PTPRT: variants seen among roughly 807,000 people sequenced by gnomAD.
PTPRT encodes the protein receptor-type tyrosine-protein phosphatase T.
PTPRT carries 56 observed loss-of-function variants against 176.8 expected under a neutral mutation model. That is an observed-to-expected ratio of 0.32 (90% confidence interval 0.26 to 0.40). PTPRT has a LOEUF of 0.40. PTPRT is among the 10% of genes least tolerant of loss of function. The pLI is 1.00. For missense variants in PTPRT, 1,540 were observed against 1,908.2 expected, an observed-to-expected ratio of 0.81 and a Z score of 3.60; for synonymous variants, 783 against 739.0, an observed-to-expected ratio of 1.06 and a Z score of -0.96.
chr20:42,485,881 C>T (rs1158576562), intron 7 of PTPRT, among the ~76,000 whole-genome samples: 1 of 152,226 alleles, frequency 6.6e-6, no homozygotes, highest in African/African-American at 2.4e-5. Context: ...ATGAAAACCA[C>T]TGTCAGTTGA....
At chr20:42,114,369 T>C (rs1987164915) in intron 22 of PTPRT, among the ~76,000 whole-genome samples, 2 of 152,234 alleles carry the variant, frequency 1.3e-5, no homozygotes, top group Admixed American at 1.3e-4. Context: ...TTTAGAAAAG[T>C]ACCTGGTCCA....
rs6072847 is a variant in PTPRT, at chr20:42,734,111, A to G, written c.859+22351T>C. ...GAGCCAGCTTGTAGCTGTCATGCAT[A>G]TGGCCACTAGGGACCAGGAGAATTT... On this transcript the variant is annotated intron_variant, in intron 6 of 30. Coordinates refer to ENST00000373187, the MANE Select transcript of PTPRT (RefSeq NM_007050.6). Among the ~76,000 whole-genome samples, 924 of 152,280 alleles carry G rather than the reference A, an allele frequency of 6.1e-3. 3 individuals are homozygous for G. The highest frequency in any genetic ancestry group is 0.014 in the Middle Eastern group (4 of 294).
At chr20:42,743,771 T>C (rs2076648373) in intron 6 of PTPRT, among the ~76,000 whole-genome samples, 1 of 152,222 alleles carries the variant, frequency 6.6e-6, no homozygotes, top group African/African-American at 2.4e-5. Flanking sequence ...CTGAACCTCA[T>C]CGATTACATT....
chr20:43,150,694 C>A (rs1302514326), intron 1 of PTPRT, among the ~76,000 whole-genome samples: 1 of 151,978 alleles, frequency 6.6e-6, no homozygotes, highest in Non-Finnish European at 1.5e-5. Context: ...TGGCCTCAAG[C>A]AATCTGCCCT....
chr20:43,186,785 C>T (rs1415889988), intron 1 of PTPRT, among the ~76,000 whole-genome samples: 3 of 152,208 alleles, frequency 2.0e-5, no homozygotes, highest in Non-Finnish European at 4.4e-5. Context: ...TAAAATTCGA[C>T]TGTACTGCTA....
In PTPRT at chr20:42,287,863, T is replaced by C. The variant is rs1461205799; in HGVS notation, c.2140-5338A>G. On this transcript the variant is annotated intron_variant, in intron 12 of 30. Transcript: ENST00000373187. ...TTACAATTAGTATACGTTAAAAACATAAAAAGAAAAAATTCCAAAAGGAAA... is the reference window on the plus strand; with the variant it reads ...TTACAATTAGTATACGTTAAAAACACAAAAAGAAAAAATTCCAAAAGGAAA... 2.0e-5 allele frequency among the ~76,000 whole-genome samples: 3 copies of C among 151,672 alleles called. No homozygotes were observed. In the East Asian group the frequency reaches 5.8e-4, roughly 29 times the overall value.
chr20:42,260,108 T>A (rs1412225307), intron 13 of PTPRT, among the ~76,000 whole-genome samples: 1 of 152,244 alleles, frequency 6.6e-6, no homozygotes, highest in Admixed American at 6.5e-5. Context: ...AGTTGAGTGA[T>A]GGGCACCAAC....
intron 1 of PTPRT, among the ~76,000 whole-genome samples, chr20:42,998,847 C>T (rs1459248411): frequency 6.6e-6 from 1 of 152,178 alleles, no homozygotes; most frequent in African/African-American, 2.4e-5. Flanking sequence ...ATGAGAGGAA[C>T]TTAGACTCAA....
intron 9 of PTPRT, among the ~76,000 whole-genome samples, chr20:42,375,398 T>G (rs1283540837): frequency 1.3e-5 from 2 of 152,174 alleles, no homozygotes; most frequent in African/African-American, 2.4e-5. Flanking sequence ...GTGAGGCCTC[T>G]GGGGAAGTGA....
At chr20:42,248,526 C>G (rs1367336145) in intron 14 of PTPRT, among the ~76,000 whole-genome samples, 161 bp downstream of exon 14, 1 of 152,178 alleles carries the variant, frequency 6.6e-6, no homozygotes, top group Non-Finnish European at 1.5e-5. Flanking sequence ...CTTCAAACAG[C>G]AACACAATGA....
At chr20:42,115,104 A>G in intron 22 of PTPRT, 95 bp downstream of exon 22, 1 of 881,242 alleles carries the variant, frequency 1.1e-6, no homozygotes, top group South Asian at 1.4e-5. Context: ...ATGGGGCTGG[A>G]CGTAGAGCAG....
chr20:43,174,308 T>C (rs972608490), intron 1 of PTPRT, among the ~76,000 whole-genome samples: 3 of 152,198 alleles, frequency 2.0e-5, no homozygotes, highest in Admixed American at 2.0e-4. Context: ...GTTTTGATGA[T>C]CATTATACCT....
intron 7 of PTPRT, among the ~76,000 whole-genome samples, chr20:42,529,707 G>A (rs1468367012): frequency 4.0e-5 from 6 of 151,810 alleles, no homozygotes; most frequent in Non-Finnish European, 2.9e-5. Flanking sequence ...GGCTGGTCTC[G>A]AACTTCTGAC....
At chr20:43,045,716 GC>G (rs1329009999) in intron 1 of PTPRT, among the ~76,000 whole-genome samples, 9 of 150,540 alleles carry the variant, frequency 6.0e-5, no homozygotes, top group African/African-American at 2.2e-4. Context: ...TCCTGCCTCA[GC>G]CCCCCAATGT....
At chr20:42,858,643 G>A (rs1321670723) in intron 2 of PTPRT, among the ~76,000 whole-genome samples, 2 of 152,166 alleles carry the variant, frequency 1.3e-5, no homozygotes, top group Non-Finnish European at 2.9e-5. Context: ...CACGAGATAT[G>A]GAATCTTCTA....
chr20:42,305,028 T>C (rs1294579658), intron 12 of PTPRT, among the ~76,000 whole-genome samples: 1 of 152,188 alleles, frequency 6.6e-6, no homozygotes, highest in African/African-American at 2.4e-5. Context: ...TACTCTTTAT[T>C]CCACTATAAG....
intron 6 of PTPRT, among the ~76,000 whole-genome samples, chr20:42,730,313 A>G (rs6030445): frequency 0.36 from 54,898 of 151,990 alleles, 12,288 homozygotes; most frequent in African/African-American, 0.63. Context: ...TCATGGCATG[A>G]GTAGGAAGTG....
intron 1 of PTPRT, among the ~76,000 whole-genome samples, chr20:42,926,782 G>A (rs1979511926): frequency 6.6e-6 from 1 of 152,188 alleles, no homozygotes; most frequent in African/African-American, 2.4e-5. Context: ...TTGTGGGGAT[G>A]CAATTAAATA....
intron 6 of PTPRT, among the ~76,000 whole-genome samples, chr20:42,722,562 C>T (rs554706269): frequency 2.6e-5 from 4 of 152,282 alleles, no homozygotes; most frequent in Admixed American, 6.5e-5. Context: ...GCTGACTCCC[C>T]GTCTCTGTCC....
Sources: gnomAD v4.1 joint callset for allele counts (sites outside exome capture counted in the v4.1 genomes callset) on GRCh38, gnomAD v4.1.1 for gene constraint, MANE v1.5 for transcripts, NCBI Gene and HGNC (gene_info 2026-07-23, HGNC 2026-07-21) for gene names.